Variants in FNDC7 observed in about 807,000 individuals in gnomAD.
FNDC7 encodes the protein fibronectin type III domain-containing protein 7.
FNDC7 carries 66 observed loss-of-function variants against 74.2 expected under a neutral mutation model. That is an observed-to-expected ratio of 0.89 (90% CI 0.73 to 1.09). The LOEUF (loss-of-function observed/expected upper bound fraction) is 1.09. FNDC7 is among the 50% of genes least tolerant of loss of function. The pLI, the probability that FNDC7 is intolerant of heterozygous loss-of-function variation, is 0.00. For synonymous variants in FNDC7, 307 were observed against 330.2 expected, an observed-to-expected ratio of 0.93 and a Z score of 0.76; for missense variants, 829 against 893.4, an observed-to-expected ratio of 0.93 and a Z score of 0.92.
intron 7 of FNDC7, 84 bp downstream of exon 7, chr1:108,728,149 C>G: frequency 6.7e-7 from 1 of 1,487,340 alleles, no homozygotes; most frequent in Non-Finnish European, 9.2e-7. Context: ...TCAGTGAGAC[C>G]AATAAAAAGG....
At chr1:108,737,982 A>C (rs1661554218) in intron 11 of FNDC7, among the ~76,000 whole-genome samples, 1 of 152,252 alleles carries the variant, frequency 6.6e-6, no homozygotes, top group Non-Finnish European at 1.5e-5. Context: ...GCCAAGGCTA[A>C]GAACTGCTAC....
intron 8 of FNDC7, among the ~76,000 whole-genome samples, chr1:108,730,010 C>T (rs191191997): frequency 7.4e-4 from 113 of 152,320 alleles, no homozygotes; most frequent in African/African-American, 2.4e-3. Context: ...GCAAATTATA[C>T]TTAATTGCTA....
chr1:108,715,662 T>TGC (rs67121639), intron 2 of FNDC7, among the ~76,000 whole-genome samples: 2,037 of 147,306 alleles, frequency 0.014, 42 homozygotes, highest in African/African-American at 0.047. Context: ...TGCGCGTGCG[T>TGC]GCGCGCGCGC....
chr1:108,728,645 T>G lies in FNDC7; in HGVS notation c.1383T>G (p.Pro461=). Residue 461 remains proline, a synonymous_variant, in exon 8 of 13, where the codon CCT becomes CCG. Coordinates refer to ENST00000370017, the MANE Select transcript of FNDC7 (RefSeq NM_001144937.3). ...AAAATGTCTTAGCTCCTTGCAGTCC[T>G]GAAATAAAAAATGTTTCAAGGGATG... ...PQFITTAPCS[P]EIKNVSRDAF... The G allele has an allele frequency of 6.2e-7, 1 of 1,614,240 alleles. No homozygotes were observed. Among genetic ancestry groups the G allele is most frequent in the Non-Finnish European group, 8.5e-7 (1 of 1,180,034 alleles).
At chr1:108,726,239 C>T (rs937456470) in intron 6 of FNDC7, among the ~76,000 whole-genome samples, 2 of 152,218 alleles carry the variant, frequency 1.3e-5, no homozygotes, top group Non-Finnish European at 2.9e-5. Context: ...TGTAGTTGTT[C>T]AACCTTGCTC....
At chr1:108,730,985 C>G (rs1227672715) in intron 9 of FNDC7, 57 bp downstream of exon 9, 1 of 1,512,342 alleles carries the variant, frequency 6.6e-7, no homozygotes, top group Non-Finnish European at 8.9e-7. Context: ...TCAATCCAGG[C>G]ATGAGCCTTT....
At chr1:108,720,529 T>C (rs1168901080) in intron 4 of FNDC7, among the ~76,000 whole-genome samples, 4 of 152,212 alleles carry the variant, frequency 2.6e-5, no homozygotes, top group African/African-American at 9.6e-5. Context: ...AGATTTCACC[T>C]CTGGATTAGT....
intron 8 of FNDC7, 106 bp downstream of exon 8, chr1:108,728,992 C>G: frequency 2.9e-6 from 4 of 1,370,806 alleles, no homozygotes; most frequent in Non-Finnish European, 4.0e-6. Flanking sequence ...AACAGAAATA[C>G]ATTAAACTCA....
At chr1:108,730,598 C>A in intron 8 of FNDC7, 76 bp from the exon 9 acceptor site, 1 of 1,460,106 alleles carries the variant, frequency 6.8e-7, no homozygotes, top group Non-Finnish European at 9.2e-7. Flanking sequence ...AGGCAAAATA[C>A]CATTCTTTAT....
At chr1:108,718,315 C>T (rs1384704915) in intron 3 of FNDC7, among the ~76,000 whole-genome samples, 2 of 152,196 alleles carry the variant, frequency 1.3e-5, no homozygotes, top group Non-Finnish European at 2.9e-5. Context: ...CTGGTTTTAA[C>T]ACGCCAAATG....
At chr1:108,721,181 C>A (rs141662529) in intron 4 of FNDC7, among the ~76,000 whole-genome samples, 2 of 152,262 alleles carry the variant, frequency 1.3e-5, no homozygotes, top group Admixed American at 6.5e-5. Flanking sequence ...CTCAAAGAGG[C>A]CTTCCCGGCC....
chr1:108,720,433 T>C (rs1434751722), intron 4 of FNDC7, among the ~76,000 whole-genome samples: 1 of 152,214 alleles, frequency 6.6e-6, no homozygotes, highest in Non-Finnish European at 1.5e-5. Context: ...GCTGGGGCAC[T>C]GAGACAGCAT....
chr1:108,734,336 A>G (rs1661461492), intron 10 of FNDC7: 2 of 152,252 alleles, frequency 1.3e-5, no homozygotes, highest in Admixed American at 1.3e-4. Flanking sequence ...GTGATCACAA[A>G]GCATGGCTGT....
Position 108,742,368 on chromosome 1 carries a change from C to T in FNDC7, c.*481C>T, listed in dbSNP as rs974831380. 1.3e-5 allele frequency: 2 copies of T among 153,296 alleles called. No homozygotes were observed. Among genetic ancestry groups the T allele is most frequent in the African/African-American group, 4.8e-5 (2 of 41,468 alleles). The allele number at this position is 153,296 out of a possible 1,614,324, so 9.5% of individuals were successfully genotyped here. A position where few individuals can be genotyped will look rare whatever the true frequency, so the allele number is the denominator to read the frequency against. On this transcript the variant is annotated 3_prime_UTR_variant, in exon 13 of 13. Coordinates refer to ENST00000370017, the MANE Select transcript of FNDC7 (RefSeq NM_001144937.3). ...CAGCACTTATCCCAAGACAAACCTC[C>T]AGCAGGACTTCAGTATAGGTTGGAA...
intron 9 of FNDC7, among the ~76,000 whole-genome samples, chr1:108,732,814 G>A (rs1661421926): frequency 6.6e-6 from 1 of 151,052 alleles, no homozygotes; most frequent in Non-Finnish European, 1.5e-5. Context: ...CTGTCACCTA[G>A]GCTGGAGTGA....
At position 108,719,042 on chromosome 1, in the gene FNDC7, G is replaced by C. The variant is rs1240660122; in HGVS notation, c.591G>C (p.Gln197His). 4.5e-6 allele frequency: 7 copies of C among 1,552,048 alleles called. No homozygotes were observed. The African/African-American group carries it at 9.6e-5, about 21-fold the overall frequency. The change falls in exon 4 of 13, where the codon CAG (glutamine) becomes CAC (histidine). Residue 197 changes from glutamine (Q) to histidine (H), a missense_variant. Transcript: ENST00000370017. ...RIPGDDSTCN[Q>H]RTSPRAPANI... is the part of the protein sequence containing the mutation. Reference sequence around the variant, plus strand: ...CTGGGGATGACTCCACCTGCAATCAGAGAACAAGTAAGAACTTCTCAGCTC... The same window carrying C: ...CTGGGGATGACTCCACCTGCAATCACAGAACAAGTAAGAACTTCTCAGCTC...
chr1:108,726,145 T>C, intron 6 of FNDC7, 141 bp downstream of exon 6: 2 of 1,130,692 alleles, frequency 1.8e-6, no homozygotes, highest in Non-Finnish European at 2.5e-6. Context: ...TTATCTCACA[T>C]TCTTTCCAGA....
In FNDC7 at chr1:108,728,026, G is replaced by GGCA; in HGVS notation, c.1334_1336dup (p.Ser445dup). 6.2e-7 allele frequency: 1 copy of GGCA among 1,614,112 alleles called. No individual in the cohort carries two copies. The highest frequency in any genetic ancestry group is 8.5e-7 in the Non-Finnish European group (1 of 1,180,030). ...AGTGTATTCATTCAATGAAGTCCGA[G>GGCA]GCAGCAATATGTCATGTACTCCCCA... On this transcript the variant is annotated inframe_insertion, in exon 7 of 13. Coordinates refer to ENST00000370017, the MANE Select transcript of FNDC7 (RefSeq NM_001144937.3).
At chr1:108,728,524 G>T in intron 7 of FNDC7, 108 bp from the exon 8 acceptor site, 2 of 1,355,534 alleles carry the variant, frequency 1.5e-6, no homozygotes, top group Non-Finnish European at 2.1e-6. Context: ...GCATGACGTG[G>T]TTGAAAACTG....
Sources: allele counts gnomAD v4.1 joint callset (sites outside exome capture counted in the v4.1 genomes callset), GRCh38; gene constraint gnomAD v4.1.1; transcripts MANE v1.5; gene names NCBI Gene and HGNC (gene_info 2026-07-23, HGNC 2026-07-21).